The following ABCA13 variants were observed in gnomAD, a reference collection of about 807,000 sequenced individuals.
ABCA13 encodes the protein ATP-binding cassette sub-family A member 13.
A neutral mutation model predicts 478.7 loss-of-function variants in ABCA13; 476 were observed. That is an observed-to-expected ratio of 0.99 (90% CI 0.92 to 1.07). The LOEUF is 1.07. ABCA13 is among the 50% of genes least tolerant of loss of function. The pLI is 0.00. For missense variants in ABCA13, 6,060 were observed against 5,910.6 expected (o/e 1.03, Z -0.83); for synonymous variants, 2,252 against 2,158.9 (o/e 1.04, Z -1.20).
At position 48,272,937 on chromosome 7, in the gene ABCA13, G is replaced by A. The variant is rs1244526321; in HGVS notation, c.3271G>A (p.Val1091Ile). ...QYMSQFFNSSVEDLLDNKCLI... is the reference protein window; with the variant it reads ...QYMSQFFNSSIEDLLDNKCLI... ...TATGAGCCAATTCTTCAACAGTTCA[G>A]TAGAAGACCTATTGGATAATAAATG... is the stretch of plus-strand genomic sequence containing the variant. The change falls in exon 17 of 62, where the codon GTA becomes ATA. Residue 1091 changes from valine (V) to isoleucine (I), a missense_variant. By Grantham distance (29) the Val-to-Ile change is conservative (BLOSUM62 3). Coordinates refer to ENST00000435803, the MANE Select transcript of ABCA13 (RefSeq NM_152701.5). 6.2e-7 allele frequency: 1 copy of A among 1,612,992 alleles called. No homozygotes were observed. Among genetic ancestry groups the A allele is most frequent in the Non-Finnish European group, 8.5e-7 (1 of 1,179,466 alleles).
intron 23 of ABCA13, among the ~76,000 whole-genome samples, chr7:48,307,085 C>A (rs767612639): frequency 6.6e-6 from 1 of 152,382 alleles, no homozygotes; most frequent in African/African-American, 2.4e-5. Context: ...CCAGCCCCCA[C>A]ATTTGCATGA....
chr7:48,317,152 A>C lies in ABCA13; in HGVS notation c.9860-5A>C. The C allele has an allele frequency of 6.2e-7, 1 of 1,609,134 alleles. No homozygotes were observed. The highest frequency in any genetic ancestry group is 8.5e-7 in the Non-Finnish European group (1 of 1,178,686). On this transcript the variant is annotated splice_polypyrimidine_tract_variant and splice_region_variant and intron_variant, in intron 26 of 61. Coordinates refer to ENST00000435803, the MANE Select transcript of ABCA13 (RefSeq NM_152701.5). Reference sequence around the variant, plus strand: ...CAACTTTTTTTTTCTTTCTAATTGCAACAGCACCGTTTTGCTTGAAGCTTT... The same window carrying C: ...CAACTTTTTTTTTCTTTCTAATTGCCACAGCACCGTTTTGCTTGAAGCTTT...
chr7:48,572,166 T>A lies in ABCA13; in HGVS notation c.14355-8058T>A, dbSNP rs571816865. ...ATGCATTCCAGCCTGGGTGATGGAG[T>A]GAAACTTTGTCTCAAATAAAATAAA... On this transcript the variant is annotated intron_variant, in intron 55 of 61. Coordinates refer to ENST00000435803, the MANE Select transcript of ABCA13 (RefSeq NM_152701.5). Among the ~76,000 whole-genome samples, 15 of 152,174 alleles carry A rather than the reference T, an allele frequency of 9.9e-5. No homozygotes were observed. In the South Asian group the frequency reaches 3.1e-3, roughly 32 times the overall value.
chr7:48,371,495 A>C (rs1812628492), intron 32 of ABCA13, among the ~76,000 whole-genome samples: 1 of 151,952 alleles, frequency 6.6e-6, no homozygotes, highest in Admixed American at 6.6e-5. Context: ...GAGGTCCTTC[A>C]TCCTTCACTT....
chr7:48,370,141 A>T (rs1563137622), intron 32 of ABCA13, among the ~76,000 whole-genome samples: 1 of 151,628 alleles, frequency 6.6e-6, no homozygotes, highest in East Asian at 1.9e-4. Flanking sequence ...ATTTTATTTT[A>T]TTTTTTGTAG....
rs746446184 is a variant in ABCA13, at chr7:48,268,960, G to A, written c.2006-20G>A. The A allele has an allele frequency of 5.4e-6, 7 of 1,288,440 alleles. No homozygotes were observed. Among genetic ancestry groups the A allele is most frequent in the Non-Finnish European group, 7.6e-6 (7 of 918,364 alleles). The allele number at this position is 1,288,440 out of a possible 1,614,324, so 79.8% of individuals were successfully genotyped here. On this transcript the variant is annotated intron_variant, in intron 15 of 61. Transcript: ENST00000435803. ...TTATAACCAGTTTATAATTAATGTA[G>A]AAAATGTCTTTTTATTTAGCTTTTC...
intron 59 of ABCA13, among the ~76,000 whole-genome samples, chr7:48,617,001 T>TCCA (rs1792646162): frequency 6.6e-6 from 1 of 152,112 alleles, no homozygotes; most frequent in African/African-American, 2.4e-5. Context: ...GCCACTACAC[T>TCCA]CCAGCCTGCG....
chr7:48,642,960 C>G (rs1422773393), intron 59 of ABCA13, among the ~76,000 whole-genome samples: 2 of 152,198 alleles, frequency 1.3e-5, no homozygotes, highest in Non-Finnish European at 2.9e-5. Context: ...GGGCCAGTTT[C>G]CAGCCCAGCT....
chr7:48,521,423 T>C (rs1463042480), intron 53 of ABCA13, among the ~76,000 whole-genome samples: 3 of 152,212 alleles, frequency 2.0e-5, no homozygotes, highest in Non-Finnish European at 4.4e-5. Context: ...TCCTGACATA[T>C]TTTGTTACAT....
chr7:48,210,305 A>G (rs1785467867), intron 3 of ABCA13, among the ~76,000 whole-genome samples: 1 of 152,134 alleles, frequency 6.6e-6, no homozygotes, highest in Admixed American at 6.5e-5. Flanking sequence ...GCATGGGGGA[A>G]CTGCCCCCAT....
At chr7:48,527,173 CT>C (rs1465137611) in intron 54 of ABCA13, among the ~76,000 whole-genome samples, 1 of 152,020 alleles carries the variant, frequency 6.6e-6, no homozygotes, top group East Asian at 1.9e-4. Flanking sequence ...TTTGGATAGG[CT>C]GATGGTGGTG....
intron 27 of ABCA13, among the ~76,000 whole-genome samples, chr7:48,334,088 T>C (rs1041482236): frequency 5.3e-5 from 8 of 152,114 alleles, no homozygotes; most frequent in African/African-American, 1.9e-4. Context: ...ATGTTAGAAA[T>C]GTGAGGTATT....
At chr7:48,502,731 T>G (rs1477118505) in intron 48 of ABCA13, among the ~76,000 whole-genome samples, 1 of 152,256 alleles carries the variant, frequency 6.6e-6, no homozygotes, top group Non-Finnish European at 1.5e-5. Flanking sequence ...CTTCAGATAC[T>G]GCTTCTGTAA....
intron 27 of ABCA13, among the ~76,000 whole-genome samples, chr7:48,320,199 T>G (rs1038464718): frequency 1.3e-5 from 2 of 152,202 alleles, no homozygotes; most frequent in African/African-American, 2.4e-5. Context: ...CTGACTATGT[T>G]GGGATGTGGG....
At chr7:48,356,210 T>C (rs1809887855) in intron 31 of ABCA13, among the ~76,000 whole-genome samples, 1 of 151,798 alleles carries the variant, frequency 6.6e-6, no homozygotes, top group African/African-American at 2.4e-5. Flanking sequence ...TAATCGACCA[T>C]TGGATTTACA....
At chr7:48,261,647 T>A (rs1794197191) in intron 15 of ABCA13, among the ~76,000 whole-genome samples, 1 of 151,854 alleles carries the variant, frequency 6.6e-6, no homozygotes, top group South Asian at 2.1e-4. Context: ...GAACTTTTTC[T>A]TATTCTAAAT....
rs1798563651 is a variant in ABCA13, at chr7:48,200,716, CAGT to C, written c.287+2359_287+2361del. 1.3e-5 allele frequency among the ~76,000 whole-genome samples: 2 copies of C among 152,118 alleles called. 1 individual carries two copies. The highest frequency in any genetic ancestry group is 4.1e-4 in the South Asian group (2 of 4,820). ...GACAAGAAAGAGTGAAGCACGCTGT[CAGT>C]AGGGCCTCTGGTTTCAGACTCAGCC... On this transcript the variant is annotated intron_variant, in intron 3 of 61. Transcript: ENST00000435803.
intron 42 of ABCA13, among the ~76,000 whole-genome samples, chr7:48,435,886 C>G (rs978706636): frequency 7.4e-5 from 11 of 148,926 alleles, no homozygotes; most frequent in Non-Finnish European, 1.5e-4. Flanking sequence ...GATGTGTAAT[C>G]ATTTTAATAT....
chr7:48,224,009 T>G (rs1054004698), intron 5 of ABCA13, among the ~76,000 whole-genome samples: 2 of 145,294 alleles, frequency 1.4e-5, no homozygotes, highest in African/African-American at 5.1e-5. Context: ...GGCAGGTAAG[T>G]GGAGACAGAG....
Sources: gnomAD v4.1 joint callset for allele counts (sites outside exome capture counted in the v4.1 genomes callset) on GRCh38, gnomAD v4.1.1 for gene constraint, MANE v1.5 for transcripts, NCBI Gene and HGNC (gene_info 2026-07-23, HGNC 2026-07-21) for gene names.